EXOC4: variants seen among roughly 807,000 people sequenced by gnomAD.
EXOC4 encodes the protein SEC8-like 1.
A neutral mutation model predicts 107.2 loss-of-function variants in EXOC4; 71 were observed. The observed-to-expected ratio is 0.66, with a 90% CI of 0.55 to 0.81. The LOEUF (loss-of-function observed/expected upper bound fraction) is 0.81. EXOC4 is among the 30% of genes least tolerant of loss of function. The pLI, the probability that EXOC4 is intolerant of heterozygous loss-of-function variation, is 0.00. For missense variants in EXOC4, 1,108 were observed against 1,189.6 expected (o/e 0.93, Z 1.01); for synonymous variants, 456 against 441.2 (o/e 1.03, Z -0.42).
At chr7:133,539,670 G>GT (rs752887343) in intron 9 of EXOC4, among the ~76,000 whole-genome samples, 326 of 151,764 alleles carry the variant, frequency 2.1e-3, no homozygotes, top group Non-Finnish European at 3.1e-3. Flanking sequence ...TAACTTGGAG[G>GT]TTTTTTTTCC....
intron 17 of EXOC4, among the ~76,000 whole-genome samples, chr7:134,017,504 T>C (rs1794937742): frequency 6.6e-6 from 1 of 152,200 alleles, no homozygotes; most frequent in Admixed American, 6.5e-5. Context: ...TTTATATAAA[T>C]AGATTTAAAT....
chr7:133,936,702 C>G (rs1800310543), intron 13 of EXOC4, among the ~76,000 whole-genome samples: 1 of 152,118 alleles, frequency 6.6e-6, no homozygotes, highest in Admixed American at 6.5e-5. Context: ...CTCTGTTGCC[C>G]AGGCTAGAGT....
intron 14 of EXOC4, among the ~76,000 whole-genome samples, chr7:133,976,588 G>A (rs908869011): frequency 1.3e-5 from 2 of 152,076 alleles, no homozygotes; most frequent in Non-Finnish European, 2.9e-5. Context: ...AATATGATGA[G>A]TGCCAGGAGC....
intron 9 of EXOC4, among the ~76,000 whole-genome samples, chr7:133,628,954 T>C (rs1013319440): frequency 6.6e-6 from 1 of 152,202 alleles, no homozygotes; most frequent in African/African-American, 2.4e-5. Flanking sequence ...ACACACGCTG[T>C]TGGTGACACT....
At chr7:133,375,964 CTTAG>C (rs572648000) in intron 7 of EXOC4, among the ~76,000 whole-genome samples, 106 of 152,070 alleles carry the variant, frequency 7.0e-4, no homozygotes, top group African/African-American at 2.4e-3. Flanking sequence ...ATAGAAGTAA[CTTAG>C]TTAGATAGTT....
chr7:133,925,204 C>T (rs886649345), intron 13 of EXOC4, among the ~76,000 whole-genome samples: 2 of 151,972 alleles, frequency 1.3e-5, no homozygotes, highest in Admixed American at 6.5e-5. Context: ...ATAAAGGTTA[C>T]GTTCCCTTCA....
At chr7:133,353,331 A>G (rs578259780) in intron 5 of EXOC4, among the ~76,000 whole-genome samples, 6 of 152,254 alleles carry the variant, frequency 3.9e-5, no homozygotes, top group Non-Finnish European at 7.4e-5. Flanking sequence ...TGGTACTGAA[A>G]TCCTGTAGCT....
At chr7:133,971,390 AGAGAGAGAGAG>A (rs1563076043) in intron 14 of EXOC4, among the ~76,000 whole-genome samples, 9 of 143,294 alleles carry the variant, frequency 6.3e-5, no homozygotes, top group East Asian at 2.1e-4. Flanking sequence ...AGAGAGAGAG[AGAGAGAGAGAG>A]AAAGAGAGAG....
At chr7:133,302,024 G>T (rs1016547377) in intron 3 of EXOC4, among the ~76,000 whole-genome samples, 1 of 152,140 alleles carries the variant, frequency 6.6e-6, no homozygotes, top group African/African-American at 2.4e-5. Context: ...AAATTTAAGG[G>T]TATGGTGGTT....
At chr7:133,282,465 C>T (rs182455541) in intron 2 of EXOC4, among the ~76,000 whole-genome samples, 1 of 152,218 alleles carries the variant, frequency 6.6e-6, no homozygotes, top group Admixed American at 6.5e-5. Flanking sequence ...ATTTTTCAAT[C>T]TTAATTATAC....
intron 10 of EXOC4, among the ~76,000 whole-genome samples, chr7:133,798,575 C>A (rs1796864945): frequency 6.6e-6 from 1 of 152,248 alleles, no homozygotes; most frequent in East Asian, 1.9e-4. Context: ...CTTATAATAA[C>A]CCTGCAAGGC....
the EXOC4 span, among the ~76,000 whole-genome samples, chr7:134,071,930 C>T: frequency 6.6e-6 from 1 of 152,198 alleles, no homozygotes; most frequent in Non-Finnish European, 1.5e-5. Context: ...CTCATCCATT[C>T]ACCCTGTCCT....
At chr7:133,914,300 C>G (rs1180043989) in intron 12 of EXOC4, among the ~76,000 whole-genome samples, 2 of 152,052 alleles carry the variant, frequency 1.3e-5, no homozygotes, top group African/African-American at 2.4e-5. Context: ...GAATTAAAAG[C>G]CAGAAACAGA....
intron 7 of EXOC4, among the ~76,000 whole-genome samples, chr7:133,432,214 T>G (rs989848381): frequency 1.3e-5 from 2 of 151,840 alleles, no homozygotes; most frequent in Admixed American, 6.6e-5. Flanking sequence ...CATGGGATAG[T>G]GAGGAAAAAA....
intron 9 of EXOC4, among the ~76,000 whole-genome samples, chr7:133,589,592 T>C (rs1040548845): frequency 6.6e-6 from 1 of 152,218 alleles, no homozygotes; most frequent in Non-Finnish European, 1.5e-5. Flanking sequence ...AGTTTTGCCA[T>C]GCAGAGTAGA....
At chr7:133,280,668 A>G (rs2150532259) in intron 2 of EXOC4, among the ~76,000 whole-genome samples, 1 of 152,332 alleles carries the variant, frequency 6.6e-6, no homozygotes, top group Non-Finnish European at 1.5e-5. Flanking sequence ...ACGATTATTC[A>G]AGTGAAGTTG....
chr7:133,797,328 G>A (rs1412927240), intron 10 of EXOC4, among the ~76,000 whole-genome samples: 1 of 152,084 alleles, frequency 6.6e-6, no homozygotes, highest in African/African-American at 2.4e-5. Context: ...ATTTGAACGT[G>A]GAAGAGTGTG....
chr7:133,563,459 C>A (rs533272862), intron 9 of EXOC4, among the ~76,000 whole-genome samples: 50 of 152,234 alleles, frequency 3.3e-4, no homozygotes, highest in Middle Eastern at 6.8e-3. Context: ...TTCCTCTTTC[C>A]AATGTTGCCT....
chr7:133,622,204 G>T (rs1176479410), intron 9 of EXOC4, among the ~76,000 whole-genome samples: 1 of 152,020 alleles, frequency 6.6e-6, no homozygotes, highest in African/African-American at 2.4e-5. Context: ...GTAACTCCTG[G>T]CCTCAAGTGA....
Sources: gnomAD v4.1 joint callset for allele counts (sites outside exome capture counted in the v4.1 genomes callset) on GRCh38, gnomAD v4.1.1 for gene constraint, MANE v1.5 for transcripts, NCBI Gene and HGNC (gene_info 2026-07-23, HGNC 2026-07-21) for gene names.